CACNG2: variants seen among roughly 807,000 people sequenced by gnomAD.
CACNG2 encodes the protein voltage-dependent calcium channel gamma-2 subunit.
Under a neutral mutation model 25.9 loss-of-function variants are expected in CACNG2, and 3 were observed. The observed-to-expected ratio is 0.12, with a 90% CI of 0.05 to 0.30. CACNG2 has a LOEUF of 0.30. Ranked by LOEUF, CACNG2 falls within the 10% of genes least tolerant of loss-of-function variation. The pLI, the probability that CACNG2 is intolerant of heterozygous loss-of-function variation, is 1.00. For missense variants in CACNG2, 341 were observed against 432.5 expected (o/e 0.79, Z 1.88); for synonymous variants, 167 against 173.3 (o/e 0.96, Z 0.29).
chr22:36,684,616 A>C (rs1937171479), intron 1 of CACNG2, among the ~76,000 whole-genome samples: 1 of 44,932 alleles, frequency 2.2e-5, no homozygotes, highest in Non-Finnish European at 3.9e-5. Flanking sequence ...ACCTTGTCTC[A>C]AAAAAAAAAA....
chr22:36,685,813 T>C (rs2146008689), intron 1 of CACNG2, among the ~76,000 whole-genome samples: 1 of 152,352 alleles, frequency 6.6e-6, no homozygotes, highest in East Asian at 1.9e-4. Context: ...CCGTCCATCT[T>C]TCCATCCTTT....
intron 2 of CACNG2, 118 bp from the exon 3 acceptor site, chr22:36,566,611 G>A: frequency 9.0e-7 from 1 of 1,115,784 alleles, no homozygotes; most frequent in East Asian, 2.4e-5. Flanking sequence ...CAGCCTTAGA[G>A]GAGAGGTTGC....
chr22:36,667,577 T>C (rs1396458722), intron 1 of CACNG2, among the ~76,000 whole-genome samples: 1 of 152,188 alleles, frequency 6.6e-6, no homozygotes, highest in Non-Finnish European at 1.5e-5. Flanking sequence ...TGACCTGTTA[T>C]TATTACAAAG....
At chr22:36,645,342 C>T (rs1222797926) in intron 1 of CACNG2, among the ~76,000 whole-genome samples, 1 of 151,944 alleles carries the variant, frequency 6.6e-6, no homozygotes, top group Non-Finnish European at 1.5e-5. Flanking sequence ...TCGAGACCAT[C>T]CTGACTAACA....
chr22:36,656,696 C>T (rs1466597268), intron 1 of CACNG2, among the ~76,000 whole-genome samples: 1 of 152,222 alleles, frequency 6.6e-6, no homozygotes, highest in East Asian at 1.9e-4. Flanking sequence ...GGGGCCTTGG[C>T]CTCCTTGCAC....
intron 1 of CACNG2, among the ~76,000 whole-genome samples, chr22:36,624,926 G>A (rs921667220): frequency 8.1e-5 from 12 of 148,210 alleles, no homozygotes; most frequent in African/African-American, 3.0e-4. Flanking sequence ...TACTTGGGAG[G>A]CTGAGGTAGG....
In CACNG2 at chr22:36,620,048, TA is replaced by T. The variant is rs565431761; in HGVS notation, c.212-32501del. 2.0e-3 allele frequency among the ~76,000 whole-genome samples: 300 copies of T among 152,364 alleles called. 2 individuals are homozygous for T. Among genetic ancestry groups the T allele is most frequent in the African/African-American group, 6.9e-3 (285 of 41,588 alleles). On this transcript the variant is annotated intron_variant, in intron 1 of 3. Transcript: ENST00000300105. ...AAGCCAGTTATGCTTAAGTGGATTTTAAAAGATTATCATCAACTAGAAAACA... is the reference window on the plus strand; with the variant it reads ...AAGCCAGTTATGCTTAAGTGGATTTTAAAGATTATCATCAACTAGAAAACA...
intron 1 of CACNG2, among the ~76,000 whole-genome samples, chr22:36,660,385 C>T (rs560781288): frequency 4.6e-5 from 7 of 152,262 alleles, no homozygotes; most frequent in Non-Finnish European, 7.3e-5. Flanking sequence ...CAGTGCCAGG[C>T]GCGCACAGGC....
chr22:36,625,475 C>T (rs1936170780), intron 1 of CACNG2, among the ~76,000 whole-genome samples: 1 of 152,042 alleles, frequency 6.6e-6, no homozygotes, highest in Non-Finnish European at 1.5e-5. Flanking sequence ...GGTTGGTGTC[C>T]CCAGGGTCTA....
At chr22:36,638,189 G>A (rs1163475259) in intron 1 of CACNG2, among the ~76,000 whole-genome samples, 1 of 152,144 alleles carries the variant, frequency 6.6e-6, no homozygotes, top group Admixed American at 6.6e-5. Context: ...TATGGCCCAG[G>A]CGACTCCCAT....
At chr22:36,588,376 C>T (rs955208837) in intron 1 of CACNG2, among the ~76,000 whole-genome samples, 2 of 152,184 alleles carry the variant, frequency 1.3e-5, no homozygotes, top group African/African-American at 4.8e-5. Flanking sequence ...GTGTCACAGG[C>T]AGGTCCTCCC....
At chr22:36,595,653 C>A (rs1224051281) in intron 1 of CACNG2, among the ~76,000 whole-genome samples, 1 of 152,104 alleles carries the variant, frequency 6.6e-6, no homozygotes, top group Non-Finnish European at 1.5e-5. Flanking sequence ...GTGCAGGGGT[C>A]TCACTGCCCG....
intron 2 of CACNG2, among the ~76,000 whole-genome samples, chr22:36,570,216 G>A (rs1313491625): frequency 6.6e-6 from 1 of 152,240 alleles, no homozygotes; most frequent in Non-Finnish European, 1.5e-5. Context: ...GGATGCATGC[G>A]TGTGGGCAGC....
intron 1 of CACNG2, among the ~76,000 whole-genome samples, chr22:36,693,364 C>A (rs2146016749): frequency 6.6e-6 from 1 of 152,224 alleles, no homozygotes; most frequent in South Asian, 2.1e-4. Context: ...CACTTACAAT[C>A]TCCCTTCTCC....
chr22:36,563,392 C>G lies in CACNG2; in HGVS notation c.*959G>C, dbSNP rs1181193047. On this transcript the variant is annotated 3_prime_UTR_variant, in exon 4 of 4. Coordinates refer to ENST00000300105, the MANE Select transcript of CACNG2 (RefSeq NM_006078.5). ...GGGGGGGGGGGTGGCATCTCCTGACCCCAAGGACAGGAGCTTGGGGACATG... is the reference window on the plus strand; with the variant it reads ...GGGGGGGGGGGTGGCATCTCCTGACGCCAAGGACAGGAGCTTGGGGACATG... Among the ~76,000 whole-genome samples the G allele has an allele frequency of 6.6e-6, 1 of 151,846 alleles. No individual in the cohort carries two copies. The highest frequency in any genetic ancestry group is 2.4e-5 in the African/African-American group (1 of 41,360).
chr22:36,658,951 A>G (rs1936747386), intron 1 of CACNG2, among the ~76,000 whole-genome samples: 1 of 152,124 alleles, frequency 6.6e-6, no homozygotes, highest in Non-Finnish European at 1.5e-5. Flanking sequence ...TGTGCAGGTT[A>G]TAGGAGCCGA....
At chr22:36,599,094 T>C (rs1935717800) in intron 1 of CACNG2, among the ~76,000 whole-genome samples, 1 of 152,228 alleles carries the variant, frequency 6.6e-6, no homozygotes, top group Admixed American at 6.5e-5. Context: ...TATGAGAATG[T>C]TCATAACAGC....
chr22:36,577,423 G>A (rs959745856), intron 2 of CACNG2, among the ~76,000 whole-genome samples: 4 of 151,740 alleles, frequency 2.6e-5, no homozygotes, highest in African/African-American at 4.8e-5. Context: ...AGGCCGAGGC[G>A]GGTGGATCAC....
At chr22:36,568,259 G>A (rs1935161206) in intron 2 of CACNG2, among the ~76,000 whole-genome samples, 1 of 152,186 alleles carries the variant, frequency 6.6e-6, no homozygotes, top group South Asian at 2.1e-4. Flanking sequence ...TGGTTTTGGA[G>A]GGGAATGTGC....
Sources: allele counts gnomAD v4.1 joint callset (sites outside exome capture counted in the v4.1 genomes callset), GRCh38; gene constraint gnomAD v4.1.1; transcripts MANE v1.5; gene names NCBI Gene and HGNC (gene_info 2026-07-23, HGNC 2026-07-21).